The following ERICH2 variants were observed in gnomAD, a reference collection of about 807,000 sequenced individuals.
ERICH2 encodes glutamate-rich protein 2.
A neutral mutation model predicts 17.4 loss-of-function variants in ERICH2; 17 were observed. The ratio of observed to expected loss-of-function variants is 0.98; its 90% CI spans 0.67 to 1.47. The LOEUF (loss-of-function observed/expected upper bound fraction) is 1.47, where lower values mean the gene tolerates loss of function less well. Among genes scored for constraint, ERICH2 ranks in the 40% most tolerant of loss-of-function variants. The probability of loss-of-function intolerance (pLI) is 0.00; values close to 1 mark genes in which losing one functional copy is unlikely to be tolerated. For synonymous variants in ERICH2, 51 were observed against 61.1 expected (o/e 0.83, Z 0.77); for missense variants, 186 against 183.2 (o/e 1.01, Z -0.09).
intron 2 of ERICH2, among the ~76,000 whole-genome samples, chr2:170,790,128 T>C (rs1701251577): frequency 6.6e-6 from 1 of 152,204 alleles, no homozygotes; most frequent in Non-Finnish European, 1.5e-5. Context: ...ACAACAAAAA[T>C]AACAATAACA....
At chr2:170,784,179 C>G (rs1285862471) in intron 1 of ERICH2, among the ~76,000 whole-genome samples, 2 of 152,162 alleles carry the variant, frequency 1.3e-5, no homozygotes, top group African/African-American at 2.4e-5. Context: ...GGATGTAACA[C>G]AAGTTCAATT....
chr2:170,770,664 C>T, the ERICH2 span: 3 of 155,422 alleles, frequency 1.9e-5, no homozygotes, highest in African/African-American at 7.2e-5. Context: ...CTTCCCTCTC[C>T]CTCGCTTAGA....
intron 2 of ERICH2, among the ~76,000 whole-genome samples, chr2:170,787,309 C>T (rs926496216): frequency 2.0e-5 from 3 of 148,434 alleles, no homozygotes; most frequent in Non-Finnish European, 4.5e-5. Flanking sequence ...TGTTGGACTT[C>T]GGTAAATATT....
At chr2:170,779,538 T>G (rs980730387), upstream of ERICH2, among the ~76,000 whole-genome samples, 4 of 152,220 alleles carry the variant, frequency 2.6e-5, no homozygotes, top group Admixed American at 6.5e-5. Context: ...CAAACTATTT[T>G]CAGCAGCAGA....
intron 2 of ERICH2, among the ~76,000 whole-genome samples, chr2:170,786,488 C>G (rs1009817374): frequency 1.3e-5 from 2 of 151,768 alleles, no homozygotes; most frequent in African/African-American, 4.8e-5. Context: ...GTGTGGTTTT[C>G]CTCATATTTC....
At chr2:170,772,925 C>G in the ERICH2 span, among the ~76,000 whole-genome samples, 2 of 152,210 alleles carry the variant, frequency 1.3e-5, no homozygotes, top group African/African-American at 4.8e-5. Context: ...CATGTAATGT[C>G]TTCCAATATT....
At chr2:170,792,757 G>T in intron 2 of ERICH2, 106 bp from the exon 8 acceptor site, 1 of 664,366 alleles carries the variant, frequency 1.5e-6, no homozygotes, top group Admixed American at 3.0e-5. Flanking sequence ...AAAAACATGT[G>T]GAAGTGTTAA....
the ERICH2 span, among the ~76,000 whole-genome samples, chr2:170,778,675 T>C: frequency 6.6e-6 from 1 of 152,108 alleles, no homozygotes; most frequent in African/African-American, 2.4e-5. Context: ...TACATGTAAT[T>C]TTATATGTAT....
upstream of ERICH2, among the ~76,000 whole-genome samples, chr2:170,780,501 A>G (rs1701002173): frequency 6.6e-6 from 1 of 152,184 alleles, no homozygotes; most frequent in Non-Finnish European, 1.5e-5. Flanking sequence ...GTCATTGAGT[A>G]TGTTGGCTGC....
intron 3 of ERICH2, among the ~76,000 whole-genome samples, chr2:170,794,824 A>G (rs1701377298): frequency 6.6e-6 from 1 of 152,234 alleles, no homozygotes; most frequent in African/African-American, 2.4e-5. Flanking sequence ...AACTGTGGAT[A>G]GAGTACTTCT....
intron 2 of ERICH2, among the ~76,000 whole-genome samples, chr2:170,790,435 T>C (rs1701261501): frequency 6.6e-6 from 1 of 152,200 alleles, no homozygotes; most frequent in African/African-American, 2.4e-5. Flanking sequence ...AAGACCAGCC[T>C]GAACAACATG....
intron 2 of ERICH2, among the ~76,000 whole-genome samples, chr2:170,788,364 A>T (rs1366119018): frequency 6.6e-6 from 1 of 152,178 alleles, no homozygotes; most frequent in Non-Finnish European, 1.5e-5. Flanking sequence ...ATTCATTTTC[A>T]TGTAAAAATT....
At chr2:170,779,922 G>A (rs746914615), upstream of ERICH2, 48 of 643,312 alleles carry the variant, frequency 7.5e-5, no homozygotes, top group South Asian at 1.4e-4. Context: ...TTAGGCCCAT[G>A]TTTGACAAGT....
rs935703660 is a variant in ERICH2 at position 170,798,861 on chromosome 2, C to T, written c.438C>T (p.Asp146=). The T allele has an allele frequency of 7.1e-6, 11 of 1,550,592 alleles. 1 individual carries two copies. The highest frequency in any genetic ancestry group is 1.7e-4 in the Middle Eastern group (1 of 5,994). ...GAGAAAGCGATGAGGAGCTGAGTGACGAGAGCTCTGACGAAGGTGAAGATG... is the reference window on the plus strand; with the variant it reads ...GAGAAAGCGATGAGGAGCTGAGTGATGAGAGCTCTGACGAAGGTGAAGATG... Residue 146 remains aspartate, a synonymous_variant, in exon 5 of 5, where the codon GAC becomes GAT. Transcript: ENST00000409885.
chr2:170,773,014 GTTTT>G, the ERICH2 span, among the ~76,000 whole-genome samples: 1 of 152,122 alleles, frequency 6.6e-6, no homozygotes, highest in Non-Finnish European at 1.5e-5. Flanking sequence ...AGGTGTTTTT[GTTTT>G]TTTGTTTTGT....
At chr2:170,778,458 CAT>C in the ERICH2 span, among the ~76,000 whole-genome samples, 5 of 152,040 alleles carry the variant, frequency 3.3e-5, no homozygotes, top group Admixed American at 6.6e-5. Context: ...CCCTAGACAA[CAT>C]ATATTTAAAT....
chr2:170,793,529 A>T (rs57686763), intron 3 of ERICH2, among the ~76,000 whole-genome samples: 1,780 of 152,328 alleles, frequency 0.012, 36 homozygotes, highest in African/African-American at 0.041. Context: ...CCACATGAAT[A>T]TCTGGAGGCA....
At chr2:170,788,307 TTTTG>T (rs1372911849) in intron 2 of ERICH2, among the ~76,000 whole-genome samples, 1 of 152,154 alleles carries the variant, frequency 6.6e-6, no homozygotes, top group Admixed American at 6.5e-5. Context: ...TCTGGAGTTG[TTTTG>T]TTTTTTTCTT....
At chr2:170,773,617 A>G in the ERICH2 span, among the ~76,000 whole-genome samples, 4 of 152,322 alleles carry the variant, frequency 2.6e-5, no homozygotes, top group South Asian at 8.3e-4. Context: ...TTCACCTATA[A>G]GATTCTGAAC....
Sources: gnomAD v4.1 joint callset for allele counts (sites outside exome capture counted in the v4.1 genomes callset) on GRCh38, gnomAD v4.1.1 for gene constraint, MANE v1.5 for transcripts, NCBI Gene and HGNC (gene_info 2026-07-23, HGNC 2026-07-21) for gene names.